Variants in SCRG1 observed in about 807,000 individuals in gnomAD.
SCRG1 encodes scrapie-responsive protein 1.
A neutral mutation model predicts 7.7 loss-of-function variants in SCRG1; 3 were observed. The ratio of observed to expected loss-of-function variants is 0.39; its 90% CI spans 0.18 to 1.01. SCRG1 has a LOEUF of 1.01. SCRG1 is among the 50% of genes least tolerant of loss of function. The pLI, the probability that SCRG1 is intolerant of heterozygous loss-of-function variation, is 0.36. For synonymous variants in SCRG1, 46 were observed against 41.2 expected (o/e 1.12, Z -0.44); for missense variants, 110 against 117.2 (o/e 0.94, Z 0.28).
chr4:173,483,235 A>C, the SCRG1 span, among the ~76,000 whole-genome samples: 238 of 42,256 alleles, frequency 5.6e-3, 5 homozygotes, highest in South Asian at 0.017. Flanking sequence ...TATTATATAT[A>C]ATATATGATA....
At chr4:173,449,143 T>C in the SCRG1 span, among the ~76,000 whole-genome samples, 1 of 152,200 alleles carries the variant, frequency 6.6e-6, no homozygotes, top group African/African-American at 2.4e-5. Flanking sequence ...GACAACACTC[T>C]CACTTTCACT....
the SCRG1 span, among the ~76,000 whole-genome samples, chr4:173,507,979 C>G: frequency 3.1e-3 from 466 of 152,270 alleles, 2 homozygotes; most frequent in African/African-American, 0.01. This position sits in a 1 kb window ranked among gnomAD's most constrained non-coding sequence, Gnocchi z 4.4. Context: ...TGCTACTGGC[C>G]GAGGACTGCA....
At chr4:173,487,193 A>C in the SCRG1 span, among the ~76,000 whole-genome samples, 1 of 152,158 alleles carries the variant, frequency 6.6e-6, no homozygotes. Flanking sequence ...CAAATCATGG[A>C]CTTATCAGAT....
chr4:173,498,124 C>A, the SCRG1 span, among the ~76,000 whole-genome samples: 1 of 152,210 alleles, frequency 6.6e-6, no homozygotes, highest in Non-Finnish European at 1.5e-5. Context: ...TAATTTGCCT[C>A]TCTGTTAAGT....
the SCRG1 span, among the ~76,000 whole-genome samples, chr4:173,452,672 T>A: frequency 2.0e-5 from 3 of 152,132 alleles, no homozygotes; most frequent in African/African-American, 7.2e-5. Flanking sequence ...ACACATGTAT[T>A]TTTTTTAAAG....
At chr4:173,507,183 A>G in the SCRG1 span, among the ~76,000 whole-genome samples, 1 of 151,554 alleles carries the variant, frequency 6.6e-6, no homozygotes, top group African/African-American at 2.4e-5. This position sits in a 1 kb window ranked among gnomAD's most constrained non-coding sequence, Gnocchi z 4.4. Context: ...GGTCCGGAGC[A>G]TGGCCCTGTT....
At chr4:173,394,512 C>T (rs935582796) in intron 1 of SCRG1, among the ~76,000 whole-genome samples, 5 of 151,978 alleles carry the variant, frequency 3.3e-5, no homozygotes, top group Admixed American at 6.6e-5. Context: ...GGCGTGGTGG[C>T]GAGCGCCTGT....
At chr4:173,423,171 CTT>C in the SCRG1 span, among the ~76,000 whole-genome samples, 1 of 152,108 alleles carries the variant, frequency 6.6e-6, no homozygotes, top group Non-Finnish European at 1.5e-5. Context: ...AAAAAAGTGA[CTT>C]TGTTAGTTTC....
At chr4:173,432,797 C>A in the SCRG1 span, among the ~76,000 whole-genome samples, 1 of 152,212 alleles carries the variant, frequency 6.6e-6, no homozygotes. Context: ...TTTCAAGCTA[C>A]CCTATATGTT....
intron 1 of SCRG1, among the ~76,000 whole-genome samples, chr4:173,393,086 G>A (rs1239026391): frequency 1.3e-4 from 17 of 130,188 alleles, no homozygotes; most frequent in East Asian, 2.5e-4. Context: ...GCGAGACTCC[G>A]TCTCGAAAAA....
At chr4:173,512,179 A>C in the SCRG1 span, among the ~76,000 whole-genome samples, 5 of 152,168 alleles carry the variant, frequency 3.3e-5, no homozygotes, top group East Asian at 9.6e-4. Flanking sequence ...GGTCCTTTTC[A>C]CCCAGCAGAT....
chr4:173,435,253 G>C, the SCRG1 span, among the ~76,000 whole-genome samples: 2 of 152,102 alleles, frequency 1.3e-5, no homozygotes, highest in African/African-American at 4.8e-5. Flanking sequence ...GCAGGGGGCA[G>C]TTGGGAAAAC....
At chr4:173,485,023 AATATAT>A in the SCRG1 span, among the ~76,000 whole-genome samples, 262 of 11,344 alleles carry the variant, frequency 0.023, 36 homozygotes, top group African/African-American at 0.068. Flanking sequence ...TATAATATAT[AATATAT>A]TATATATTAT....
chr4:173,499,323 A>G, the SCRG1 span, among the ~76,000 whole-genome samples: 1 of 152,338 alleles, frequency 6.6e-6, no homozygotes, highest in African/African-American at 2.4e-5. This position sits in a 1 kb window ranked among gnomAD's most constrained non-coding sequence, Gnocchi z 4.1. Flanking sequence ...AATTTCACCT[A>G]GAAAAATTAC....
the SCRG1 span, among the ~76,000 whole-genome samples, chr4:173,483,811 G>GA: frequency 8.4e-5 from 1 of 11,856 alleles, no homozygotes; most frequent in African/African-American, 1.6e-4. Context: ...TATATGATAT[G>GA]TAATATATAT....
the SCRG1 span, among the ~76,000 whole-genome samples, chr4:173,445,464 C>T: frequency 6.6e-6 from 1 of 151,518 alleles, no homozygotes; most frequent in Admixed American, 6.6e-5. Flanking sequence ...CGCCTGTAAT[C>T]CCAGCTACTT....
chr4:173,388,169 G>T lies in SCRG1; in HGVS notation c.*172C>A. 1 of 473,256 alleles carries T rather than the reference G, an allele frequency of 2.1e-6. No homozygotes were observed. The highest frequency in any genetic ancestry group is 5.2e-5 in the South Asian group (1 of 19,296). 29.3% of individuals were successfully genotyped at this position (473,256 alleles called of 1,614,324 possible). On this transcript the variant is annotated 3_prime_UTR_variant, in exon 3 of 3. Coordinates refer to ENST00000296506, the MANE Select transcript of SCRG1 (RefSeq NM_007281.4). ...AATGTCCACAGAGAAAAATTAGATT[G>T]AATTAACTTTTATTACTACTTGTTT...
At chr4:173,463,620 A>C in the SCRG1 span, among the ~76,000 whole-genome samples, 1 of 152,252 alleles carries the variant, frequency 6.6e-6, no homozygotes. Context: ...ACTGAGAAGC[A>C]GTAGACAGGA....
At chr4:173,504,319 G>A in the SCRG1 span, among the ~76,000 whole-genome samples, 157 of 152,306 alleles carry the variant, frequency 1.0e-3, no homozygotes, top group Non-Finnish European at 1.8e-3. This position sits in a 1 kb window ranked among gnomAD's most constrained non-coding sequence, Gnocchi z 4.7. Flanking sequence ...GTGCTCCTCC[G>A]GTAGCCGTAT....
Sources: gnomAD v4.1 joint callset for allele counts (sites outside exome capture counted in the v4.1 genomes callset) on GRCh38, gnomAD v4.1.1 for gene constraint, Gnocchi (gnomAD v3.1) non-coding constraint, MANE v1.5 for transcripts, NCBI Gene and HGNC (gene_info 2026-07-23, HGNC 2026-07-21) for gene names.